Variants in PPP6C observed in about 807,000 individuals in gnomAD.
PPP6C encodes the protein serine/threonine-protein phosphatase 6 catalytic subunit.
Under a neutral mutation model 39.8 loss-of-function variants are expected in PPP6C, and 11 were observed. That is an observed-to-expected ratio of 0.28 (90% CI 0.17 to 0.46). PPP6C has a LOEUF of 0.46. Ranked by LOEUF, PPP6C falls within the 20% of genes least tolerant of loss-of-function variation. The pLI is 1.00. For missense variants in PPP6C, 211 were observed against 373.9 expected (o/e 0.56, Z 3.59); for synonymous variants, 129 against 130.3 (o/e 0.99, Z 0.07).
At chr9:125,152,798 C>A (rs535298080) in intron 6 of PPP6C, among the ~76,000 whole-genome samples, 1 of 151,504 alleles carries the variant, frequency 6.6e-6, no homozygotes, top group East Asian at 2.0e-4. Flanking sequence ...CCATTGTACT[C>A]CAGCCTGGGC....
intron 1 of PPP6C, chr9:125,172,068 G>A: frequency 2.5e-6 from 1 of 406,270 alleles, no homozygotes; most frequent in Non-Finnish European, 5.0e-6. Flanking sequence ...TCCACACCAT[G>A]TAATACTACT....
rs770229635 is a variant in PPP6C, at chr9:125,160,948, T to C, written c.172-42A>G. ...ATACATGCTGATTACAAATTCCTGTTAAGAAGCAAAGCAACAAAACTGAGA... is the reference window on the plus strand; with the variant it reads ...ATACATGCTGATTACAAATTCCTGTCAAGAAGCAAAGCAACAAAACTGAGA... On this transcript the variant is annotated intron_variant, in intron 2 of 6. Coordinates refer to ENST00000373547, the MANE Select transcript of PPP6C (RefSeq NM_002721.5). 3 of 1,422,308 alleles carry C rather than the reference T, an allele frequency of 2.1e-6. No homozygotes were observed. The South Asian group carries it at 4.0e-5, about 19-fold the overall frequency. The allele number at this position is 1,422,308 out of a possible 1,614,324, so 88.1% of individuals were successfully genotyped here.
chr9:125,149,627 G>T lies in PPP6C; in HGVS notation c.*46C>A. Reference sequence around the variant, plus strand: ...GTAGAGGGTAATACAAGAAAATTGGGGTAAGAAGAGGGCAGAAAAATGGGT... The same window carrying T: ...GTAGAGGGTAATACAAGAAAATTGGTGTAAGAAGAGGGCAGAAAAATGGGT... On this transcript the variant is annotated 3_prime_UTR_variant, in exon 7 of 7. Coordinates refer to ENST00000373547, the MANE Select transcript of PPP6C (RefSeq NM_002721.5). The T allele has an allele frequency of 6.3e-7, 1 of 1,593,444 alleles. No homozygotes were observed. The highest frequency in any genetic ancestry group is 1.1e-5 in the South Asian group (1 of 88,632).
intron 2 of PPP6C, among the ~76,000 whole-genome samples, chr9:125,167,412 AGGCC>A (rs2131321633): frequency 6.8e-6 from 1 of 147,726 alleles, no homozygotes; most frequent in South Asian, 2.2e-4. Context: ...AATAAAAAAA[AGGCC>A]GGGCATGGTG....
chr9:125,185,888 G>A (rs2131345925), intron 1 of PPP6C, among the ~76,000 whole-genome samples: 1 of 152,080 alleles, frequency 6.6e-6, no homozygotes, highest in South Asian at 2.1e-4. Flanking sequence ...GGAAGGCTGA[G>A]GCAGGAGAAT....
rs908697044 is a variant in PPP6C, at chr9:125,188,077, T to C, written c.75+1567A>G. 5.9e-5 allele frequency among the ~76,000 whole-genome samples: 9 copies of C among 152,232 alleles called. No homozygotes were observed. The South Asian group carries it at 1.9e-3, about 32-fold the overall frequency. ...AAATAAAACAAAACCCACAGTAATA[T>C]ATTTCCTTAAGAATACACTGAGTCG... On this transcript the variant is annotated intron_variant, in intron 1 of 6. Coordinates refer to ENST00000373547, the MANE Select transcript of PPP6C (RefSeq NM_002721.5).
chr9:125,161,491 C>T (rs1022853285), intron 2 of PPP6C, among the ~76,000 whole-genome samples: 13 of 152,024 alleles, frequency 8.6e-5, no homozygotes, highest in South Asian at 4.2e-4. Context: ...TTACCCAGGC[C>T]GGAATGCAGT....
chr9:125,179,876 G>C (rs749025351), intron 1 of PPP6C, among the ~76,000 whole-genome samples: 3 of 151,786 alleles, frequency 2.0e-5, no homozygotes, highest in Non-Finnish European at 4.4e-5. Flanking sequence ...GGCTGGTCTC[G>C]AGCTCCTGAC....
In PPP6C at chr9:125,189,593, G is replaced by A. The variant is rs773645927; in HGVS notation, c.75+51C>T. On this transcript the variant is annotated intron_variant, in intron 1 of 6. Transcript: ENST00000373547. ...GGGGTCCTGGAGAAAGGAAGGGCCG[G>A]CCGGCGGGCGCCCCACAGCCGGAAG... The A allele has an allele frequency of 3.1e-6, 5 of 1,608,974 alleles. No individual in the cohort carries two copies. The South Asian group carries it at 3.3e-5, about 11-fold the overall frequency.
At chr9:125,179,975 A>G (rs1829388576) in intron 1 of PPP6C, among the ~76,000 whole-genome samples, 1 of 152,076 alleles carries the variant, frequency 6.6e-6, no homozygotes, top group African/African-American at 2.4e-5. Context: ...TTTTTAAAAC[A>G]ACTATTGCAA....
intron 2 of PPP6C, among the ~76,000 whole-genome samples, chr9:125,161,347 C>T (rs1828872483): frequency 1.3e-5 from 2 of 152,160 alleles, no homozygotes; most frequent in Non-Finnish European, 2.9e-5. Context: ...CAGAGATCTT[C>T]CCACATTCTA....
intron 2 of PPP6C, among the ~76,000 whole-genome samples, chr9:125,170,504 T>C (rs1829123927): frequency 6.6e-6 from 1 of 152,188 alleles, no homozygotes; most frequent in South Asian, 2.1e-4. Flanking sequence ...CCCAAAGTGC[T>C]GGGACTACAG....
chr9:125,180,641 A>C (rs971895254), intron 1 of PPP6C, among the ~76,000 whole-genome samples: 1 of 152,050 alleles, frequency 6.6e-6, no homozygotes, highest in African/African-American at 2.4e-5. Context: ...GGCTGGTCTC[A>C]AACTCCTGAC....
At chr9:125,174,826 C>T (rs1197115638) in intron 1 of PPP6C, among the ~76,000 whole-genome samples, 2 of 152,020 alleles carry the variant, frequency 1.3e-5, no homozygotes, top group South Asian at 2.1e-4. Context: ...ACAGGAGAAT[C>T]GCTTGAGCCT....
intron 6 of PPP6C, chr9:125,151,222 AAAG>A: frequency 1.3e-6 from 2 of 1,510,912 alleles, no homozygotes; most frequent in Non-Finnish European, 1.8e-6. Context: ...CTTGATTCAC[AAAG>A]AAGGCCAATG....
In PPP6C at chr9:125,157,697, T is replaced by C. The variant is rs1279628831; in HGVS notation, c.379+544A>G. Among the ~76,000 whole-genome samples the C allele has an allele frequency of 8.3e-3, 37 of 4,436 alleles. No individual in the cohort carries two copies. The South Asian group carries it at 0.17, about 21-fold the overall frequency. The allele number at this position is 4,436 out of a possible 152,430, so 2.9% of individuals were successfully genotyped here. A position where few individuals can be genotyped will look rare whatever the true frequency, so the allele number is the denominator to read the frequency against. Reference sequence around the variant, plus strand: ...CCCAGCATTCTCCTTTTTTTTTTGGTTTTTTTTTTTTTGAGACGGAGTCTC... The same window carrying C: ...CCCAGCATTCTCCTTTTTTTTTTGGCTTTTTTTTTTTTGAGACGGAGTCTC... On this transcript the variant is annotated intron_variant, in intron 4 of 6. Transcript: ENST00000373547.
intron 1 of PPP6C, among the ~76,000 whole-genome samples, chr9:125,181,107 G>A (rs767999698): frequency 7.2e-5 from 11 of 152,004 alleles, no homozygotes; most frequent in Non-Finnish European, 1.5e-4. Context: ...GCTATCACGC[G>A]CACACAAAAA....
At chr9:125,187,437 C>G (rs926657559) in intron 1 of PPP6C, among the ~76,000 whole-genome samples, 2 of 151,738 alleles carry the variant, frequency 1.3e-5, no homozygotes, top group African/African-American at 4.9e-5. Flanking sequence ...GCACCTACCA[C>G]CATGCTCGGC....
chr9:125,188,957 G>A, intron 1 of PPP6C: 3 of 1,546,836 alleles, frequency 1.9e-6, no homozygotes, highest in Middle Eastern at 1.7e-4. Context: ...ACTGAGTTAA[G>A]AAGGGGTTAA....
Sources: gnomAD v4.1 joint callset for allele counts (sites outside exome capture counted in the v4.1 genomes callset) on GRCh38, gnomAD v4.1.1 for gene constraint, MANE v1.5 for transcripts, NCBI Gene and HGNC (gene_info 2026-07-23, HGNC 2026-07-21) for gene names.